Variants in LAMA2 observed in about 807,000 individuals in gnomAD.
The protein encoded by LAMA2 is laminin subunit alpha-2.
Under a neutral mutation model 364.8 loss-of-function variants are expected in LAMA2, and 269 were observed. That is an observed-to-expected ratio of 0.74 (90% CI 0.67 to 0.82). LAMA2 has a LOEUF of 0.82. LAMA2 is among the 40% of genes least tolerant of loss of function. The pLI is 0.00. For synonymous variants in LAMA2, 1,379 were observed against 1,370.6 expected (o/e 1.01, Z -0.14); for missense variants, 3,807 against 3,873.2 (o/e 0.98, Z 0.45).
At chr6:129,090,037 G>A (rs960307952) in intron 3 of LAMA2, among the ~76,000 whole-genome samples, 12 of 152,250 alleles carry the variant, frequency 7.9e-5, no homozygotes, top group Non-Finnish European at 1.2e-4. Flanking sequence ...TGTTTGCTCC[G>A]TAAGAGCAAG....
intron 12 of LAMA2, among the ~76,000 whole-genome samples, chr6:129,226,728 AGGGT>A (rs1784313003): frequency 6.6e-6 from 1 of 151,648 alleles, no homozygotes; most frequent in Non-Finnish European, 1.5e-5. Context: ...CTTCCCTTTG[AGGGT>A]AACCCGACCT....
intron 39 of LAMA2, 51 bp downstream of exon 39, chr6:129,402,538 G>T: frequency 6.5e-7 from 1 of 1,536,528 alleles, no homozygotes. Context: ...CTTGTCCAAA[G>T]GTTTTGACTA....
intron 40 of LAMA2, among the ~76,000 whole-genome samples, chr6:129,410,423 G>T (rs1440264614): frequency 2.0e-5 from 3 of 151,794 alleles, no homozygotes; most frequent in African/African-American, 7.3e-5. Flanking sequence ...CTGTCATTTT[G>T]TAAAACTTTC....
chr6:129,483,256 T>TA (rs566899755), intron 55 of LAMA2, among the ~76,000 whole-genome samples: 6 of 151,264 alleles, frequency 4.0e-5, no homozygotes, highest in Admixed American at 2.0e-4. Flanking sequence ...ATTCCTGATT[T>TA]AAAAAAAAGA....
chr6:129,099,309 A>G (rs1775380743), intron 4 of LAMA2, among the ~76,000 whole-genome samples: 1 of 151,894 alleles, frequency 6.6e-6, no homozygotes, highest in African/African-American at 2.4e-5. Flanking sequence ...ATGCACACTA[A>G]GTACTCTGTG....
At chr6:129,316,277 A>G (rs1193958075) in intron 27 of LAMA2, 106 bp downstream of exon 27, 1 of 927,646 alleles carries the variant, frequency 1.1e-6, no homozygotes, top group Non-Finnish European at 1.7e-6. Context: ...TTGGTTTTGC[A>G]GTATAATGAT....
intron 34 of LAMA2, among the ~76,000 whole-genome samples, chr6:129,374,610 C>A (rs2114637008): frequency 6.6e-6 from 1 of 151,634 alleles, no homozygotes; most frequent in South Asian, 2.1e-4. Context: ...AGAGTTTCAC[C>A]CTTGTTGTCC....
At chr6:129,144,129 T>C (rs373617100) in intron 5 of LAMA2, 49 bp downstream of exon 5, 33 of 1,439,774 alleles carry the variant, frequency 2.3e-5, no homozygotes, top group Non-Finnish European at 2.9e-5. Flanking sequence ...ATCCCACTTA[T>C]CTTTTTGTCT....
chr6:128,949,747 T>C (rs1348064795), intron 1 of LAMA2, among the ~76,000 whole-genome samples: 1 of 152,190 alleles, frequency 6.6e-6, no homozygotes, highest in African/African-American at 2.4e-5. Flanking sequence ...AAGTCTTTTG[T>C]AACTTATTTT....
At chr6:129,201,786 A>G (rs1042237760) in intron 12 of LAMA2, among the ~76,000 whole-genome samples, 1 of 152,246 alleles carries the variant, frequency 6.6e-6, no homozygotes, top group African/African-American at 2.4e-5. Context: ...CCAGGAGGAA[A>G]ATCAATCAAT....
intron 37 of LAMA2, among the ~76,000 whole-genome samples, chr6:129,394,593 C>T (rs1461996627): frequency 6.6e-6 from 1 of 152,196 alleles, no homozygotes; most frequent in Non-Finnish European, 1.5e-5. Flanking sequence ...AGGCAGGATG[C>T]TGGGCCACTG....
intron 1 of LAMA2, among the ~76,000 whole-genome samples, chr6:128,978,818 G>A (rs1782687559): frequency 6.6e-6 from 1 of 152,230 alleles, no homozygotes; most frequent in African/African-American, 2.4e-5. Flanking sequence ...ATTAGTAAGA[G>A]CTAGGTGGGC....
At chr6:128,960,056 A>G (rs889724581) in intron 1 of LAMA2, among the ~76,000 whole-genome samples, 2 of 152,046 alleles carry the variant, frequency 1.3e-5, no homozygotes, top group Admixed American at 6.5e-5. Context: ...AGTCTTGCCA[A>G]TTTCCCCTAT....
intron 2 of LAMA2, among the ~76,000 whole-genome samples, chr6:129,059,327 T>G (rs560385455): frequency 6.6e-6 from 1 of 152,314 alleles, no homozygotes; most frequent in East Asian, 1.9e-4. Context: ...AATGAATGTG[T>G]CAGAAGGGCA....
At chr6:129,485,804 A>G (rs923077278) in intron 55 of LAMA2, among the ~76,000 whole-genome samples, 2 of 152,184 alleles carry the variant, frequency 1.3e-5, no homozygotes, top group Admixed American at 6.5e-5. Context: ...GAACTGAGCC[A>G]TCACTGTGTG....
In LAMA2 at chr6:128,925,536, C is replaced by T. The variant is rs576628882; in HGVS notation, c.112+42179C>T. On this transcript the variant is annotated intron_variant, in intron 1 of 64. Coordinates refer to ENST00000421865, the MANE Select transcript of LAMA2 (RefSeq NM_000426.4). The stretch of plus-strand genomic sequence containing the variant: ...ATAGGGAGTTATTATTTAATGAGTA[C>T]CGAGTTTCAGTTTTGCAAGATGAAA... Among the ~76,000 whole-genome samples the T allele has an allele frequency of 8.5e-5, 13 of 152,114 alleles. No homozygotes were observed. The South Asian group carries it at 2.7e-3, about 32-fold the overall frequency.
chr6:129,338,630 C>G (rs554671085), intron 29 of LAMA2, among the ~76,000 whole-genome samples: 1 of 152,282 alleles, frequency 6.6e-6, no homozygotes, highest in South Asian at 2.1e-4. Flanking sequence ...CCAGTTTCAT[C>G]TATACTTCCT....
Position 129,486,459 on chromosome 6 carries a change from C to G in LAMA2, c.7750-15C>G, listed in dbSNP as rs904090097. The G allele has an allele frequency of 6.2e-7, 1 of 1,612,690 alleles. No homozygotes were observed. Among genetic ancestry groups the G allele is most frequent in the Non-Finnish European group, 8.5e-7 (1 of 1,178,918 alleles). ...AGACTTCTGTTTAATCTTCAATAAC[C>G]ACTTGCTGTTGCAGGCCTATTATGC... On this transcript the variant is annotated splice_polypyrimidine_tract_variant and intron_variant, in intron 55 of 64. Transcript: ENST00000421865.
At chr6:129,382,657 C>T (rs1490552681) in intron 34 of LAMA2, among the ~76,000 whole-genome samples, 4 of 152,124 alleles carry the variant, frequency 2.6e-5, no homozygotes, top group African/African-American at 2.4e-5. Context: ...CTTTAATTAA[C>T]GTATTGATCT....
Sources: gnomAD v4.1 joint callset for allele counts (sites outside exome capture counted in the v4.1 genomes callset) on GRCh38, gnomAD v4.1.1 for gene constraint, MANE v1.5 for transcripts, NCBI Gene and HGNC (gene_info 2026-07-23, HGNC 2026-07-21) for gene names.